TMPRSS3: variants seen among roughly 807,000 people sequenced by gnomAD.
TMPRSS3 encodes transmembrane protease serine 3.
TMPRSS3 carries 55 observed loss-of-function variants against 59.6 expected under a neutral mutation model. That is an observed-to-expected ratio of 0.92 (90% confidence interval 0.74 to 1.16). TMPRSS3 has a LOEUF of 1.16. Ranked by LOEUF, TMPRSS3 falls within the 50% of genes most tolerant of loss-of-function variation. TMPRSS3 has a pLI of 0.00. For synonymous variants in TMPRSS3, 257 were observed against 237.7 expected, an observed-to-expected ratio of 1.08 and a Z score of -0.75; for missense variants, 596 against 579.4, an observed-to-expected ratio of 1.03 and a Z score of -0.29.
At chr21:42,383,242 C>T in intron 7 of TMPRSS3, 44 bp from the exon 8 acceptor site, 1 of 1,606,220 alleles carries the variant, frequency 6.2e-7, no homozygotes, top group Non-Finnish European at 8.5e-7. Context: ...CTGCAGACTT[C>T]TTTGGGGGAC....
intron 3 of TMPRSS3, among the ~76,000 whole-genome samples, chr21:42,389,720 G>C (rs981414061): frequency 6.6e-6 from 1 of 152,230 alleles, no homozygotes; most frequent in Non-Finnish European, 1.5e-5. Context: ...AAAGCCATGA[G>C]CATGGCCAGC....
In TMPRSS3 at chr21:42,373,761, C is replaced by T. The variant is rs1366829296; in HGVS notation, c.1345-982G>A. Among the ~76,000 whole-genome samples the T allele has an allele frequency of 7.2e-5, 11 of 152,184 alleles. No homozygotes were observed. In the East Asian group the frequency reaches 2.1e-3, roughly 29 times the overall value. On this transcript the variant is annotated intron_variant, in intron 12 of 12. Coordinates refer to ENST00000644384, the MANE Select transcript of TMPRSS3 (RefSeq NM_001256317.3). Reference sequence around the variant, plus strand: ...CATGCAGGTCGTCTCCGCTGTAGTACAGGGAGGGTCACAGGCTCTGTGGCC... The same window carrying T: ...CATGCAGGTCGTCTCCGCTGTAGTATAGGGAGGGTCACAGGCTCTGTGGCC...
intron 8 of TMPRSS3, 55 bp downstream of exon 8, chr21:42,382,978 C>G: frequency 6.2e-7 from 1 of 1,610,214 alleles, no homozygotes; most frequent in Non-Finnish European, 8.5e-7. Flanking sequence ...GCAGCCCCAC[C>G]CTGACATGAC....
chr21:42,379,683 C>T (rs2052488367), intron 10 of TMPRSS3, among the ~76,000 whole-genome samples: 1 of 152,142 alleles, frequency 6.6e-6, no homozygotes, highest in African/African-American at 2.4e-5. Context: ...ATCTCATCTG[C>T]TGCTGCTTCC....
At chr21:42,380,875 G>A (rs2052516432) in intron 9 of TMPRSS3, among the ~76,000 whole-genome samples, 1 of 152,232 alleles carries the variant, frequency 6.6e-6, no homozygotes, top group Admixed American at 6.5e-5. Flanking sequence ...GAGAGGTAGA[G>A]AAGGAATAAA....
rs750874419 is a variant in TMPRSS3, at chr21:42,388,358, CCTCT to C, written c.446+41_446+44del. On this transcript the variant is annotated intron_variant, in intron 5 of 12. Coordinates refer to ENST00000644384, the MANE Select transcript of TMPRSS3 (RefSeq NM_001256317.3). This position sits in a 1 kb window ranked among gnomAD's most constrained non-coding sequence, Gnocchi z 5.1. ...GGTAGTTGTCTTTCTTTATTGTTAT[CCTCT>C]CTGTGTTTTGCCCATGGGTTGGAAA... 1.8e-5 allele frequency: 29 copies of C among 1,613,936 alleles called. No homozygotes were observed. The highest frequency in any genetic ancestry group is 4.2e-6 in the Non-Finnish European group (5 of 1,179,922).
At position 42,388,393 on chromosome 21, in the gene TMPRSS3, T is replaced by C; in HGVS notation, c.446+10A>G. ...TTTTGCCCATGGGTTGGAAATGCTC[T>C]TTAACTTACCTTGGGAAACCCAGTT... is the stretch of plus-strand genomic sequence containing the variant. On this transcript the variant is annotated intron_variant, in intron 5 of 12. Coordinates refer to ENST00000644384, the MANE Select transcript of TMPRSS3 (RefSeq NM_001256317.3). This position sits in a 1 kb window ranked among gnomAD's most constrained non-coding sequence, Gnocchi z 5.1. 1 of 1,614,266 alleles carries C rather than the reference T, an allele frequency of 6.2e-7. No homozygotes were observed. Among genetic ancestry groups the C allele is most frequent in the Non-Finnish European group, 8.5e-7 (1 of 1,180,052 alleles).
At chr21:42,383,375 C>T in intron 7 of TMPRSS3, 177 bp from the exon 8 acceptor site, 3 of 679,748 alleles carry the variant, frequency 4.4e-6, no homozygotes, top group Non-Finnish European at 7.6e-6. Flanking sequence ...TGGTCAGGCT[C>T]TTGGGGAGAC....
At chr21:42,391,762 G>A (rs946788545) in intron 2 of TMPRSS3, among the ~76,000 whole-genome samples, 4 of 152,286 alleles carry the variant, frequency 2.6e-5, no homozygotes, top group African/African-American at 4.8e-5. Flanking sequence ...CAGGACTCTC[G>A]TGTCTTCCAA....
chr21:42,394,754 A>G (rs922501016), intron 2 of TMPRSS3, among the ~76,000 whole-genome samples: 3 of 152,218 alleles, frequency 2.0e-5, no homozygotes, highest in African/African-American at 7.2e-5. Flanking sequence ...CGGCAACCCC[A>G]CAGCTCCCTT....
At chr21:42,395,169 C>G (rs1478201742) in intron 2 of TMPRSS3, among the ~76,000 whole-genome samples, 155 bp downstream of exon 2, 1 of 152,180 alleles carries the variant, frequency 6.6e-6, no homozygotes, top group Non-Finnish European at 1.5e-5. Context: ...CCCCTTCTCC[C>G]TGAGATTCTG....
chr21:42,376,227 G>C (rs2052425566), intron 11 of TMPRSS3, among the ~76,000 whole-genome samples: 1 of 152,190 alleles, frequency 6.6e-6, no homozygotes, highest in Non-Finnish European at 1.5e-5. Context: ...AGCCACTGCA[G>C]CTTTCGGAGG....
At chr21:42,395,686 A>AAAAAGTATG in intron 1 of TMPRSS3, 1 of 460,414 alleles carries the variant, frequency 2.2e-6, no homozygotes, top group South Asian at 2.1e-5. Context: ...AAAAAAAAAA[A>AAAAAGTATG]AAAAGTATGA....
Position 42,395,234 on chromosome 21 carries a change from A to G in TMPRSS3, c.94+90T>C, listed in dbSNP as rs767380587. The G allele has an allele frequency of 1.5e-5, 17 of 1,103,522 alleles. No individual in the cohort carries two copies. In the South Asian group the frequency reaches 1.8e-4, roughly 12 times the overall value. The allele number at this position is 1,103,522 out of a possible 1,614,324, so 68.4% of individuals were successfully genotyped here. A position where few individuals can be genotyped will look rare whatever the true frequency, so the allele number is the denominator to read the frequency against. On this transcript the variant is annotated intron_variant, in intron 2 of 12. Coordinates refer to ENST00000644384, the MANE Select transcript of TMPRSS3 (RefSeq NM_001256317.3). ...TGTGGGTGTCAGAATGGCTGGGGAG[A>G]TATTTCCCCCACAGGGACAGTCAGT... is the stretch of plus-strand genomic sequence containing the variant.
Position 42,395,358 on chromosome 21 carries a change from G to C in TMPRSS3, c.60C>G (p.Gly20=). The C allele has an allele frequency of 6.2e-7, 1 of 1,614,050 alleles. No homozygotes were observed. Among genetic ancestry groups the C allele is most frequent in the Non-Finnish European group, 8.5e-7 (1 of 1,179,998 alleles). The change falls in exon 2 of 13, where the codon GGC becomes GGG. Residue 20 remains glycine (G), a synonymous_variant. Transcript: ENST00000644384. Reference sequence around the variant, plus strand: ...CAGGACTTATTTTCAAATCATCAAGGCCAAAAAGCGATCGGAATGAGAAGG... The same window carrying C: ...CAGGACTTATTTTCAAATCATCAAGCCCAAAAAGCGATCGGAATGAGAAGG... ...EAPFSFRSLF[G]LDDLKISPVA... is the part of the protein sequence containing the mutation.
Position 42,384,136 on chromosome 21 carries a change from T to A in TMPRSS3, c.573-123A>T, listed in dbSNP as rs549545695. 3.9e-5 allele frequency: 35 copies of A among 887,516 alleles called. No individual in the cohort carries two copies. The South Asian group carries it at 5.3e-4, about 13-fold the overall frequency. The allele number at this position is 887,516 out of a possible 1,614,324, so 55.0% of individuals were successfully genotyped here. A position where few individuals can be genotyped will look rare whatever the true frequency, so the allele number is the denominator to read the frequency against. On this transcript the variant is annotated intron_variant, in intron 6 of 12. Transcript: ENST00000644384. Reference sequence around the variant, plus strand: ...CTATTTCCCCCTCTTTGAATATAGATTACAATTTTAGTCTATGTTCAAAAA... The same window carrying A: ...CTATTTCCCCCTCTTTGAATATAGAATACAATTTTAGTCTATGTTCAAAAA...
chr21:42,392,124 C>G (rs1346999632), intron 2 of TMPRSS3, among the ~76,000 whole-genome samples: 2 of 152,200 alleles, frequency 1.3e-5, no homozygotes, highest in African/African-American at 2.4e-5. Context: ...GCACCTGCCT[C>G]TCTTCTCCTA....
At chr21:42,376,436 C>G in intron 11 of TMPRSS3, 105 bp downstream of exon 11, 1 of 1,509,654 alleles carries the variant, frequency 6.6e-7, no homozygotes, top group Non-Finnish European at 9.0e-7. Context: ...TTCTCCACGC[C>G]CTGTAAATTT....
chr21:42,375,781 C>T lies in TMPRSS3; in HGVS notation c.1279G>A (p.Val427Met), dbSNP rs764834949. The change falls in exon 12 of 13, where the codon GTG becomes ATG. Residue 427 changes from valine (V) to methionine (M), a missense_variant. Val to Met is a conservative substitution (Grantham distance 21, BLOSUM62 1). Coordinates refer to ENST00000644384, the MANE Select transcript of TMPRSS3 (RefSeq NM_001256317.3). ...ATSFGIGCAEVNKPGVYTRVT... is the reference protein window; with the variant it reads ...ATSFGIGCAEMNKPGVYTRVT... ...CGGGTGTACACCCCAGGCTTGTTCA[C>T]CTCTGCGCAGCCGATGCCAAAGCTG... 10 of 1,613,692 alleles carry T rather than the reference C, an allele frequency of 6.2e-6. No homozygotes were observed. The South Asian group carries it at 9.9e-5, about 16-fold the overall frequency.
Sources: gnomAD v4.1 joint callset for allele counts (sites outside exome capture counted in the v4.1 genomes callset) on GRCh38, gnomAD v4.1.1 for gene constraint, Gnocchi (gnomAD v3.1) non-coding constraint, MANE v1.5 for transcripts, NCBI Gene and HGNC (gene_info 2026-07-23, HGNC 2026-07-21) for gene names.